TMOD1: variants seen among roughly 807,000 people sequenced by gnomAD.
TMOD1 encodes the protein tropomodulin-1.
A neutral mutation model predicts 40.6 loss-of-function variants in TMOD1; 17 were observed. The ratio of observed to expected loss-of-function variants is 0.42; its 90% confidence interval spans 0.29 to 0.63. The LOEUF is 0.63. TMOD1 is among the 20% of genes least tolerant of loss of function. The pLI is 0.22. For synonymous variants in TMOD1, 181 were observed against 175.0 expected (o/e 1.03, Z -0.27); for missense variants, 391 against 447.6 (o/e 0.87, Z 1.14).
intron 3 of TMOD1, among the ~76,000 whole-genome samples, chr9:97,551,348 T>A (rs562479607): frequency 1.3e-5 from 2 of 152,150 alleles, no homozygotes; most frequent in African/African-American, 4.8e-5. Flanking sequence ...TTAACTTATA[T>A]TTAAGTCATT....
At chr9:97,528,746 C>T (rs577097603) in intron 2 of TMOD1, among the ~76,000 whole-genome samples, 2 of 152,304 alleles carry the variant, frequency 1.3e-5, no homozygotes, top group African/African-American at 4.8e-5. Context: ...AGAGCAGGAG[C>T]AGAGCCCAGA....
intron 2 of TMOD1, among the ~76,000 whole-genome samples, chr9:97,525,452 T>G (rs1829998595): frequency 6.6e-6 from 1 of 152,226 alleles, no homozygotes; most frequent in Admixed American, 6.5e-5. Flanking sequence ...ACTCAGATAG[T>G]TGTAGCTGGT....
intron 1 of TMOD1, among the ~76,000 whole-genome samples, chr9:97,505,744 C>T (rs7047025): frequency 0.47 from 71,661 of 151,894 alleles, 17,019 homozygotes; most frequent in Admixed American, 0.52. Flanking sequence ...CCACCCCATT[C>T]ATTTGCCCAC....
intron 9 of TMOD1, among the ~76,000 whole-genome samples, chr9:97,595,148 G>A (rs1474122338): frequency 6.6e-6 from 1 of 152,182 alleles, no homozygotes; most frequent in Admixed American, 6.5e-5. Context: ...GATACAAAGT[G>A]CTGTTATGAT....
intron 3 of TMOD1, among the ~76,000 whole-genome samples, chr9:97,550,668 C>T (rs988215011): frequency 2.0e-5 from 3 of 152,062 alleles, no homozygotes; most frequent in Admixed American, 1.3e-4. Context: ...TATGTATATC[C>T]TCTTTGGAGA....
intron 1 of TMOD1, among the ~76,000 whole-genome samples, chr9:97,519,533 C>T (rs934476097): frequency 2.6e-5 from 4 of 152,216 alleles, no homozygotes; most frequent in Non-Finnish European, 5.9e-5. Context: ...GCCCCAGCGG[C>T]TTCATCACCC....
rs1826244171 is a variant in TMOD1, at chr9:97,600,967, A to G, written c.*1269A>G. 8.6e-7 allele frequency: 1 copy of G among 1,161,320 alleles called. No individual in the cohort carries two copies. The highest frequency in any genetic ancestry group is 1.1e-6 in the Non-Finnish European group (1 of 915,774). 71.9% of individuals were successfully genotyped at this position (1,161,320 alleles called of 1,614,324 possible). On this transcript the variant is annotated 3_prime_UTR_variant, in exon 10 of 10. Coordinates refer to ENST00000259365, the MANE Select transcript of TMOD1 (RefSeq NM_003275.4). ...ATTAGTGATTTCAGCAAATCTCATG[A>G]TAAAGGACAAGGTCAAGAACTCCAG... is the stretch of plus-strand genomic sequence containing the variant.
chr9:97,527,493 C>G (rs955231524), intron 2 of TMOD1, among the ~76,000 whole-genome samples: 17 of 152,194 alleles, frequency 1.1e-4, no homozygotes, highest in Admixed American at 3.3e-4. Flanking sequence ...GAACTGAGCT[C>G]TGGATTTTTT....
In TMOD1 at chr9:97,524,182, T is replaced by C. The variant is rs1261423837; in HGVS notation, c.-7T>C. ...AAATTCAGGAGACACAGACAAGTTC[T>C]TCCACGATGTCGTACAGACGAGAAC... On this transcript the variant is annotated 5_prime_UTR_variant, in exon 2 of 10. Coordinates refer to ENST00000259365, the MANE Select transcript of TMOD1 (RefSeq NM_003275.4). 3 of 1,613,130 alleles carry C rather than the reference T, an allele frequency of 1.9e-6. No individual in the cohort carries two copies. Among genetic ancestry groups the C allele is most frequent in the Non-Finnish European group, 2.5e-6 (3 of 1,179,648 alleles).
intron 9 of TMOD1, 128 bp downstream of exon 9, chr9:97,591,563 G>C: frequency 8.5e-7 from 1 of 1,182,608 alleles, no homozygotes; most frequent in Non-Finnish European, 1.2e-6. Flanking sequence ...CACATTGATC[G>C]CGTCTTCCTT....
chr9:97,544,051 A>G (rs1355563981), intron 2 of TMOD1, among the ~76,000 whole-genome samples: 1 of 152,110 alleles, frequency 6.6e-6, no homozygotes, highest in Non-Finnish European at 1.5e-5. Context: ...TCTGTGGCCT[A>G]AATCTCTCTG....
At chr9:97,572,721 T>C (rs944465884) in intron 8 of TMOD1, among the ~76,000 whole-genome samples, 7 of 152,214 alleles carry the variant, frequency 4.6e-5, no homozygotes, top group Non-Finnish European at 1.0e-4. Context: ...AGTCCTGTGC[T>C]TATAACCTGT....
intron 6 of TMOD1, 101 bp from the exon 7 acceptor site, chr9:97,565,747 A>G (rs1433741074): frequency 2.1e-6 from 2 of 934,006 alleles, no homozygotes; most frequent in Admixed American, 4.2e-5. Context: ...TTTTGGCCAG[A>G]GACTTGCCAG....
At position 97,548,832 on chromosome 9, in the gene TMOD1, C is replaced by A. The variant is rs185464305; in HGVS notation, c.277+2491C>A. Among the ~76,000 whole-genome samples, 438 of 152,306 alleles carry A rather than the reference C, an allele frequency of 2.9e-3. 1 individual carries two copies. The highest frequency in any genetic ancestry group is 4.9e-3 in the Non-Finnish European group (331 of 68,022). On this transcript the variant is annotated intron_variant, in intron 3 of 9. Transcript: ENST00000259365. The stretch of plus-strand genomic sequence containing the variant: ...ATCATCATCTTGGAGTATTTGAATG[C>A]TAGTTGTTGGAGTTCTTATGACTTG...
At chr9:97,546,998 A>G (rs1830371830) in intron 3 of TMOD1, among the ~76,000 whole-genome samples, 1 of 150,722 alleles carries the variant, frequency 6.6e-6, no homozygotes, top group South Asian at 2.1e-4. Context: ...TATGCAAACC[A>G]GGGACTAGAG....
In TMOD1 at chr9:97,531,037, A is replaced by ACC. The variant is rs1285892432; in HGVS notation, c.120+6736_120+6737dup. On this transcript the variant is annotated intron_variant, in intron 2 of 9. Coordinates refer to ENST00000259365, the MANE Select transcript of TMOD1 (RefSeq NM_003275.4). ...TCCTGACCTTAGGTGATCCACACCCACCCCCCCCACCACCCCTTGGCCTCC... is the reference window on the plus strand; with the variant it reads ...TCCTGACCTTAGGTGATCCACACCCACCCCCCCCCCACCACCCCTTGGCCTCC... Among the ~76,000 whole-genome samples the ACC allele has an allele frequency of 5.7e-4, 53 of 92,326 alleles. 2 individuals are homozygous for ACC. Among genetic ancestry groups the ACC allele is most frequent in the East Asian group, 4.5e-3 (15 of 3,334 alleles). 60.6% of individuals were successfully genotyped at this position (92,326 alleles called of 152,430 possible). A position where few individuals can be genotyped will look rare whatever the true frequency, so the allele number is the denominator to read the frequency against.
intron 8 of TMOD1, among the ~76,000 whole-genome samples, chr9:97,577,870 T>C (rs1825645188): frequency 6.6e-6 from 1 of 152,208 alleles, no homozygotes; most frequent in Non-Finnish European, 1.5e-5. Flanking sequence ...ATGAATTAGC[T>C]TTTGTAAAAT....
At position 97,513,893 on chromosome 9, in the gene TMOD1, G is replaced by A. The variant is rs1017632774; in HGVS notation, c.-48-10248G>A. 1.3e-5 allele frequency: 2 copies of A among 152,306 alleles called. No homozygotes were observed. The highest frequency in any genetic ancestry group is 1.9e-4 in the East Asian group (1 of 5,196). 9.4% of individuals were successfully genotyped at this position (152,306 alleles called of 1,614,324 possible). On this transcript the variant is annotated intron_variant, in intron 1 of 9. Transcript: ENST00000259365. The surrounding 1 kb of genome is among the most constrained non-coding windows in gnomAD (Gnocchi z 4.1). ...AATTTCAATGGATTGGAAGACACTA[G>A]GGAGGAAAAGGACATTCACATGTAA...
At chr9:97,543,138 C>T (rs1055022425) in intron 2 of TMOD1, among the ~76,000 whole-genome samples, 1 of 152,186 alleles carries the variant, frequency 6.6e-6, no homozygotes, top group South Asian at 2.1e-4. Context: ...TCAGTTACAA[C>T]CCCTGAATTT....
Sources: gnomAD v4.1 joint callset for allele counts (sites outside exome capture counted in the v4.1 genomes callset) on GRCh38, gnomAD v4.1.1 for gene constraint, Gnocchi (gnomAD v3.1) non-coding constraint, MANE v1.5 for transcripts, NCBI Gene and HGNC (gene_info 2026-07-23, HGNC 2026-07-21) for gene names.